Variants in GRM8 observed in about 807,000 individuals in gnomAD.
GRM8 encodes the protein metabotropic glutamate receptor 8.
GRM8 carries 47 observed loss-of-function variants against 87.2 expected under a neutral mutation model. The ratio of observed to expected loss-of-function variants is 0.54; its 90% CI spans 0.43 to 0.69. The LOEUF (loss-of-function observed/expected upper bound fraction) is 0.69. Among genes scored for constraint, GRM8 ranks in the 30% least tolerant of loss-of-function variants. GRM8 has a pLI of 0.00. For missense variants in GRM8, 1,019 were observed against 1,139.2 expected (o/e 0.89, Z 1.52); for synonymous variants, 396 against 404.5 (o/e 0.98, Z 0.25).
At chr7:127,229,753 T>C (rs1445178003) in intron 2 of GRM8, 4 of 152,156 alleles carry the variant, frequency 2.6e-5, no homozygotes, top group Non-Finnish European at 5.9e-5. Flanking sequence ...AATCTCAAAT[T>C]TTTACCTTGC....
intron 7 of GRM8, among the ~76,000 whole-genome samples, chr7:126,715,825 A>G (rs1811678292): frequency 1.3e-5 from 2 of 152,272 alleles, no homozygotes; most frequent in East Asian, 1.9e-4. Context: ...CCTTACTCCT[A>G]TCTTTTCAAA....
At chr7:127,233,326 TC>T (rs1304704850) in intron 2 of GRM8, among the ~76,000 whole-genome samples, 1 of 152,158 alleles carries the variant, frequency 6.6e-6, no homozygotes, top group Non-Finnish European at 1.5e-5. Flanking sequence ...GTTAAAATAA[TC>T]TATAATTTGA....
intron 2 of GRM8, among the ~76,000 whole-genome samples, chr7:127,184,929 T>C (rs966774718): frequency 1.3e-5 from 2 of 151,948 alleles, no homozygotes; most frequent in Non-Finnish European, 2.9e-5. Context: ...AGAAAATATG[T>C]ATAAGATCTA....
At chr7:127,108,606 C>T (rs1323881585) in intron 2 of GRM8, among the ~76,000 whole-genome samples, 1 of 152,106 alleles carries the variant, frequency 6.6e-6, no homozygotes, top group African/African-American at 2.4e-5. Flanking sequence ...TAATAATGAG[C>T]CACCCTTTCT....
chr7:126,773,820 A>T (rs1819130600), intron 6 of GRM8, among the ~76,000 whole-genome samples: 2 of 152,092 alleles, frequency 1.3e-5, no homozygotes, highest in African/African-American at 2.4e-5. Context: ...GCAGAGTGAG[A>T]CCCTGTCCCT....
At chr7:126,991,477 A>C (rs754356121) in intron 3 of GRM8, among the ~76,000 whole-genome samples, 10 of 152,202 alleles carry the variant, frequency 6.6e-5, no homozygotes, top group Non-Finnish European at 1.3e-4. Context: ...TACACAAATT[A>C]ATTACTTAAA....
intron 3 of GRM8, among the ~76,000 whole-genome samples, chr7:127,047,120 T>C (rs1478256167): frequency 6.6e-6 from 1 of 152,234 alleles, no homozygotes; most frequent in Non-Finnish European, 1.5e-5. Flanking sequence ...GCAACCTGTT[T>C]TTGCTGTTAA....
intron 7 of GRM8, among the ~76,000 whole-genome samples, chr7:126,727,370 T>G (rs182349536): frequency 8.5e-4 from 130 of 152,122 alleles, no homozygotes; most frequent in African/African-American, 3.1e-3. Context: ...TTTAATTGCC[T>G]CAGAATAATG....
intron 9 of GRM8, among the ~76,000 whole-genome samples, chr7:126,477,592 AAAG>A (rs1165809578): frequency 2.0e-3 from 254 of 124,924 alleles, no homozygotes; most frequent in South Asian, 2.7e-3. Flanking sequence ...AGAAAGAAAG[AAAG>A]AAAGAAAGAA....
chr7:127,055,455 A>T (rs1187257035), intron 3 of GRM8, among the ~76,000 whole-genome samples: 1 of 152,188 alleles, frequency 6.6e-6, no homozygotes, highest in Non-Finnish European at 1.5e-5. Context: ...TGAACAACCA[A>T]TTAGTAGAAT....
At chr7:127,110,690 C>T (rs1425123847) in intron 2 of GRM8, among the ~76,000 whole-genome samples, 1 of 152,128 alleles carries the variant, frequency 6.6e-6, no homozygotes, top group Admixed American at 6.5e-5. Context: ...TCTTCTCTCA[C>T]TATATTCTCA....
chr7:127,213,435 A>G (rs1017721212), intron 2 of GRM8, among the ~76,000 whole-genome samples: 8 of 152,230 alleles, frequency 5.3e-5, no homozygotes, highest in African/African-American at 1.9e-4. Flanking sequence ...TATTTTGCAT[A>G]TATCAGGTTA....
intron 6 of GRM8, among the ~76,000 whole-genome samples, chr7:126,841,927 C>A (rs952018044): frequency 2.0e-5 from 3 of 152,040 alleles, no homozygotes; most frequent in African/African-American, 7.2e-5. Flanking sequence ...CCACCGTGAC[C>A]GGCCCCAGCC....
chr7:126,450,710 A>C (rs1802528423), intron 9 of GRM8, among the ~76,000 whole-genome samples: 1 of 151,898 alleles, frequency 6.6e-6, no homozygotes, highest in Non-Finnish European at 1.5e-5. Flanking sequence ...TCTATCATGC[A>C]AAAGTCCAAA....
chr7:126,486,606 C>G (rs557493569), intron 9 of GRM8, among the ~76,000 whole-genome samples: 2 of 152,100 alleles, frequency 1.3e-5, no homozygotes, highest in African/African-American at 4.8e-5. Flanking sequence ...GGCTCATGAC[C>G]CCTTTAAAAT....
chr7:126,472,384 T>C (rs1160267907), intron 9 of GRM8, among the ~76,000 whole-genome samples: 1 of 152,122 alleles, frequency 6.6e-6, no homozygotes, highest in Non-Finnish European at 1.5e-5. Context: ...TTATTGAGAG[T>C]TATTAGCATG....
chr7:126,949,576 G>T (rs1284277110), intron 3 of GRM8, among the ~76,000 whole-genome samples: 1 of 152,174 alleles, frequency 6.6e-6, no homozygotes, highest in Non-Finnish European at 1.5e-5. Flanking sequence ...CCATGGTTTT[G>T]TGAGTTAAGA....
At chr7:127,027,532 C>T (rs1218080398) in intron 3 of GRM8, among the ~76,000 whole-genome samples, 1 of 152,110 alleles carries the variant, frequency 6.6e-6, no homozygotes, top group Admixed American at 6.5e-5. Context: ...TTGTAATTCT[C>T]CTTGAAGAAG....
At chr7:126,633,514 T>G (rs1323437396) in intron 7 of GRM8, among the ~76,000 whole-genome samples, 1 of 152,170 alleles carries the variant, frequency 6.6e-6, no homozygotes, top group Non-Finnish European at 1.5e-5. Context: ...TTGGAGCACT[T>G]GGATGACAAA....
Sources: gnomAD v4.1 joint callset for allele counts (sites outside exome capture counted in the v4.1 genomes callset) on GRCh38, gnomAD v4.1.1 for gene constraint, MANE v1.5 for transcripts, NCBI Gene and HGNC (gene_info 2026-07-23, HGNC 2026-07-21) for gene names.